The following PKD1L3 variants were observed in gnomAD, a reference collection of about 807,000 sequenced individuals.
PKD1L3 encodes polycystin 1 like 3, transient receptor potential channel interacting, also known as polycystin-1-like protein 3.
In PKD1L3, 239 loss-of-function variants were observed where a neutral mutation model predicts 184.1. That is an observed-to-expected ratio of 1.30 (90% CI 1.17 to 1.45). The LOEUF is 1.45. Ranked by LOEUF, PKD1L3 falls within the 40% of genes most tolerant of loss-of-function variation. The probability of loss-of-function intolerance (pLI) is 0.00; values close to 1 mark genes in which losing one functional copy is unlikely to be tolerated. For missense variants in PKD1L3, 2,660 were observed against 2,067.2 expected, an observed-to-expected ratio of 1.29 and a Z score of -5.56; for synonymous variants, 996 against 778.8, an observed-to-expected ratio of 1.28 and a Z score of -4.64.
chr16:71,979,822 C>A lies in PKD1L3; in HGVS notation c.1362G>T (p.Lys454Asn). Reference sequence around the variant, plus strand: ...CTCCTGGATGTTTATTCAAGAGCTCCTTCAAAGCTAAAGCCGACGGAAAGC... The same window carrying A: ...CTCCTGGATGTTTATTCAAGAGCTCATTCAAAGCTAAAGCCGACGGAAAGC... ...RLGFPSALAL[K>N]ELLNKHPGVN... The change falls in exon 9 of 30, where the codon AAG becomes AAT. Residue 454 changes from lysine to asparagine, a missense_variant. Lys to Asn is a moderately conservative substitution (Grantham distance 94). Transcript: ENST00000620267. 6.6e-7 allele frequency: 1 copy of A among 1,514,858 alleles called. No homozygotes were observed. The highest frequency in any genetic ancestry group is 1.3e-5 in the South Asian group (1 of 77,508). 93.8% of individuals were successfully genotyped at this position (1,514,858 alleles called of 1,614,324 possible).
intron 20 of PKD1L3, 50 bp from the exon 21 acceptor site, chr16:71,950,067 G>C (rs369553688): frequency 3.9e-5 from 60 of 1,548,762 alleles, no homozygotes; most frequent in Non-Finnish European, 5.0e-5. Context: ...GGCTGAGATA[G>C]AGGATGAGGA....
At chr16:71,994,646 C>T (rs1190489864) in intron 2 of PKD1L3, among the ~76,000 whole-genome samples, 2 of 152,160 alleles carry the variant, frequency 1.3e-5, no homozygotes, top group Admixed American at 6.5e-5. Flanking sequence ...ATTGTCCAAA[C>T]TTATCAGCTC....
At position 71,967,163 on chromosome 16, in the gene PKD1L3, A is replaced by C; in HGVS notation, c.2439T>G (p.His813Gln). 1 of 1,551,702 alleles carries C rather than the reference A, an allele frequency of 6.4e-7. No individual in the cohort carries two copies. The highest frequency in any genetic ancestry group is 1.2e-5 in the South Asian group (1 of 84,062). ...LGNLHSLRLWHDNSGVSPSWY... is the reference protein window; with the variant it reads ...LGNLHSLRLWQDNSGVSPSWY... ...AGGAGGGACTGACGCCAGAATTGTCATGCCAGAGCCGAAGGCTGTGCAGGT... is the reference window on the plus strand; with the variant it reads ...AGGAGGGACTGACGCCAGAATTGTCCTGCCAGAGCCGAAGGCTGTGCAGGT... Residue 813 changes from histidine (H) to glutamine (Q), a missense_variant, in exon 15 of 30, where the codon CAT (histidine) becomes CAG (glutamine). Physicochemically the swap from His to Gln is conservative, Grantham distance 24. Coordinates refer to ENST00000620267, the MANE Select transcript of PKD1L3 (RefSeq NM_181536.2).
At chr16:71,976,264 CTTTTTTTTTT>C (rs71153688) in intron 11 of PKD1L3, among the ~76,000 whole-genome samples, 2 of 81,776 alleles carry the variant, frequency 2.4e-5, no homozygotes, top group Non-Finnish European at 4.7e-5. Context: ...CCCAGCCTGT[CTTTTTTTTTT>C]TTTTTTAAGA....
In PKD1L3 at chr16:71,973,448, G is replaced by A; in HGVS notation, c.1829C>T (p.Ala610Val). Residue 610 changes from alanine to valine, a missense_variant, in exon 12 of 30, where the codon GCT (alanine) becomes GTT (valine). Coordinates refer to ENST00000620267, the MANE Select transcript of PKD1L3 (RefSeq NM_181536.2). ...QHGIGTYYITAVLSERQEGAQ... is the reference protein window; with the variant it reads ...QHGIGTYYITVVLSERQEGAQ... Reference sequence around the variant, plus strand: ...ACCCTCCTGCCTCTCACTCAGCACAGCTGTTATATAGTAGGTGCCAATCCC... The same window carrying A: ...ACCCTCCTGCCTCTCACTCAGCACAACTGTTATATAGTAGGTGCCAATCCC... 1 of 1,551,844 alleles carries A rather than the reference G, an allele frequency of 6.4e-7. No homozygotes were observed. Among genetic ancestry groups the A allele is most frequent in the Admixed American group, 2.0e-5 (1 of 51,002 alleles).
rs1017542924 is a variant in PKD1L3, at chr16:71,966,026, G to C, written c.2465+1111C>G. Among the ~76,000 whole-genome samples, 4 of 151,962 alleles carry C rather than the reference G, an allele frequency of 2.6e-5. No homozygotes were observed. In the East Asian group the frequency reaches 7.7e-4, roughly 29 times the overall value. The stretch of plus-strand genomic sequence containing the variant: ...AAGCTGATTTGTGCATACTGGAACA[G>C]AATGGAAGCAGCAAGGAAGTTATTA... On this transcript the variant is annotated intron_variant, in intron 15 of 29. Coordinates refer to ENST00000620267, the MANE Select transcript of PKD1L3 (RefSeq NM_181536.2).
At chr16:71,974,805 A>G (rs2039857842) in intron 11 of PKD1L3, among the ~76,000 whole-genome samples, 1 of 152,224 alleles carries the variant, frequency 6.6e-6, no homozygotes, top group African/African-American at 2.4e-5. Flanking sequence ...GACTTTGCCT[A>G]AAAGCAAGAA....
chr16:71,967,112 C>T (rs550022219), intron 15 of PKD1L3, 25 bp downstream of exon 15: 5 of 1,539,426 alleles, frequency 3.2e-6, no homozygotes, highest in Middle Eastern at 1.7e-4. Flanking sequence ...GCAGCAGCAA[C>T]AGCCAACAGG....
At chr16:71,978,230 T>G (rs1361017030) in intron 10 of PKD1L3, 25 bp downstream of exon 10, 1 of 1,542,556 alleles carries the variant, frequency 6.5e-7, no homozygotes, top group Non-Finnish European at 8.8e-7. Context: ...CTCTTCTATT[T>G]TATTCCCTAA....
chr16:71,977,634 C>T (rs1490937522), intron 10 of PKD1L3, among the ~76,000 whole-genome samples, 167 bp from the exon 11 acceptor site: 1 of 148,488 alleles, frequency 6.7e-6, no homozygotes, highest in Admixed American at 6.8e-5. Flanking sequence ...TGGTCTCAAG[C>T]AATCCTCCCG....
In PKD1L3 at chr16:71,933,422, CCT is replaced by C; in HGVS notation, c.4922_4923del (p.Glu1641GlyfsTer27). 1 of 1,538,240 alleles carries C rather than the reference CCT, an allele frequency of 6.5e-7. No homozygotes were observed. ...AGGAAACAAATTATTATTTTTACCT[CCT>C]CTTGGTGAGAAATTCCCATCAGGAG... ...VGLLMGISHQEEVFALDPVLG... is the reference protein window; with the variant it reads ...VGLLMGISHQXEVFALDPVLG... On this transcript the variant is annotated frameshift_variant, in exon 28 of 30. Coordinates refer to ENST00000620267, the MANE Select transcript of PKD1L3 (RefSeq NM_181536.2). LOFTEE classifies it high-confidence loss of function.
At chr16:71,945,538 C>T (rs1195421932) in intron 22 of PKD1L3, among the ~76,000 whole-genome samples, 2 of 151,232 alleles carry the variant, frequency 1.3e-5, no homozygotes, top group African/African-American at 4.9e-5. Flanking sequence ...GTTATCCAGG[C>T]GTGGTGGAGT....
intron 25 of PKD1L3, 123 bp downstream of exon 25, chr16:71,937,169 T>A: frequency 1.0e-6 from 1 of 984,890 alleles, no homozygotes; most frequent in Non-Finnish European, 1.4e-6. Context: ...AATTCTCACA[T>A]CTCAGCCTCC....
chr16:71,937,564 G>T, intron 24 of PKD1L3, 145 bp from the exon 25 acceptor site: 1 of 921,978 alleles, frequency 1.1e-6, no homozygotes, highest in Non-Finnish European at 1.6e-6. Context: ...TTCCTTTAGA[G>T]CTGTCATGAA....
At position 71,982,137 on chromosome 16, in the gene PKD1L3, G is replaced by C; in HGVS notation, c.1065C>G (p.Val355=). ...CATTGTTGAGGGAATGAAAGGGGCA[G>C]ACAGTTGGAGGAACTTTGAAGCCCA... ...NSLGFKVPPT[V]CPFHSLNNVT... Residue 355 remains valine, a synonymous_variant, in exon 7 of 30, where the codon GTC becomes GTG. Transcript: ENST00000620267. 1.3e-6 allele frequency: 2 copies of C among 1,552,074 alleles called. No individual in the cohort carries two copies. The highest frequency in any genetic ancestry group is 2.4e-5 in the South Asian group (2 of 84,036).
chr16:71,975,996 G>A (rs2039905687), intron 11 of PKD1L3, among the ~76,000 whole-genome samples: 1 of 150,506 alleles, frequency 6.6e-6, no homozygotes, highest in Non-Finnish European at 1.5e-5. Context: ...CACCCAGGCT[G>A]GACAGCAGTG....
At chr16:71,991,883 T>G (rs981356432) in intron 3 of PKD1L3, among the ~76,000 whole-genome samples, 1 of 152,258 alleles carries the variant, frequency 6.6e-6, no homozygotes, top group Non-Finnish European at 1.5e-5. Context: ...GGTATGGCTC[T>G]AACAGCCTCT....
chr16:71,978,122 C>T, intron 10 of PKD1L3, 133 bp downstream of exon 10: 1 of 1,104,200 alleles, frequency 9.1e-7, no homozygotes, highest in Non-Finnish European at 1.3e-6. Flanking sequence ...TGTAAAAGTT[C>T]CTAAGATGTT....
At chr16:71,936,915 G>C (rs1182623460) in intron 25 of PKD1L3, among the ~76,000 whole-genome samples, 1 of 152,112 alleles carries the variant, frequency 6.6e-6, no homozygotes, top group Admixed American at 6.5e-5. Flanking sequence ...AATCTATTTG[G>C]TGGAAAACCA....
Sources: gnomAD v4.1 joint callset for allele counts (sites outside exome capture counted in the v4.1 genomes callset) on GRCh38, gnomAD v4.1.1 for gene constraint, MANE v1.5 for transcripts, NCBI Gene and HGNC (gene_info 2026-07-23, HGNC 2026-07-21) for gene names.